Variants in ACACB observed in about 807,000 individuals in gnomAD.
The protein encoded by ACACB is acetyl-CoA carboxylase beta, also known as acetyl-CoA carboxylase 2.
A neutral mutation model predicts 278.8 loss-of-function variants in ACACB; 209 were observed. The observed-to-expected ratio is 0.75, with a 90% CI of 0.67 to 0.84. ACACB has a LOEUF of 0.84. ACACB is among the 40% of genes least tolerant of loss of function. The pLI is 0.00. For missense variants in ACACB, 2,850 were observed against 3,269.0 expected, an observed-to-expected ratio of 0.87 and a Z score of 3.13; for synonymous variants, 1,174 against 1,285.6, an observed-to-expected ratio of 0.91 and a Z score of 1.86.
At chr12:109,129,716 A>C (rs558214187) in intron 1 of ACACB, among the ~76,000 whole-genome samples, 1 of 152,160 alleles carries the variant, frequency 6.6e-6, no homozygotes, top group Non-Finnish European at 1.5e-5. Context: ...CTGCCCCCCA[A>C]AAGCAGTTCT....
intron 31 of ACACB, among the ~76,000 whole-genome samples, chr12:109,234,998 A>G (rs926322600): frequency 6.6e-6 from 1 of 152,022 alleles, no homozygotes; most frequent in African/African-American, 2.4e-5. Flanking sequence ...CCATCACCAG[A>G]ATCAATTTTA....
intron 40 of ACACB, among the ~76,000 whole-genome samples, chr12:109,248,182 A>G (rs1327166086): frequency 6.6e-6 from 1 of 152,176 alleles, no homozygotes; most frequent in Non-Finnish European, 1.5e-5. Flanking sequence ...GCTGGGGGGA[A>G]ATTCCATAGT....
chr12:109,196,497 G>T (rs2045133671), intron 16 of ACACB, among the ~76,000 whole-genome samples: 1 of 152,132 alleles, frequency 6.6e-6, no homozygotes, highest in African/African-American at 2.4e-5. Flanking sequence ...CTCTACAGGG[G>T]ATCTTTTATA....
At chr12:109,215,810 A>T (rs2045978760) in intron 22 of ACACB, among the ~76,000 whole-genome samples, 2 of 152,012 alleles carry the variant, frequency 1.3e-5, no homozygotes, top group Admixed American at 1.3e-4. Flanking sequence ...ATTAATTTTT[A>T]TTTATTTATT....
Position 109,258,258 on chromosome 12 carries a change from C to A in ACACB, c.6264-10C>A. On this transcript the variant is annotated splice_polypyrimidine_tract_variant and intron_variant, in intron 45 of 52. Coordinates refer to ENST00000338432, the MANE Select transcript of ACACB (RefSeq NM_001093.4). ...GCCCAGGGCCTGGCTCACTGGTGCT[C>A]ATTTTCCAGGCTTGGGGGGATTCCC... The A allele has an allele frequency of 6.2e-7, 1 of 1,609,502 alleles. No homozygotes were observed. Among genetic ancestry groups the A allele is most frequent in the South Asian group, 1.1e-5 (1 of 89,628 alleles).
chr12:109,186,996 G>A (rs1205444852), intron 12 of ACACB, among the ~76,000 whole-genome samples: 3 of 152,012 alleles, frequency 2.0e-5, no homozygotes, highest in Admixed American at 1.3e-4. Flanking sequence ...AGAGGGAGAC[G>A]GGCCGTTCTC....
chr12:109,155,585 C>CTT (rs776346297), intron 2 of ACACB, among the ~76,000 whole-genome samples: 2 of 145,616 alleles, frequency 1.4e-5, no homozygotes, highest in Non-Finnish European at 3.0e-5. Context: ...TATTCTTCAG[C>CTT]TTTTTTTTTT....
In ACACB at chr12:109,198,795, T is replaced by A. The variant is rs564270518; in HGVS notation, c.2628-607T>A. ...GCTACCACGCCCAGCTATTTTTTTT[T>A]TTTTATTTTTTGTAGAGGCAGGGTC... On this transcript the variant is annotated intron_variant, in intron 17 of 52. Transcript: ENST00000338432. 1.4e-4 allele frequency among the ~76,000 whole-genome samples: 21 copies of A among 152,226 alleles called. No individual in the cohort carries two copies. In the South Asian group the frequency reaches 2.5e-3, roughly 18 times the overall value.
In ACACB at chr12:109,209,887, A is replaced by G. The variant is rs921213702; in HGVS notation, c.3249+534A>G. 2.5e-3 allele frequency among the ~76,000 whole-genome samples: 336 copies of G among 131,802 alleles called. 40 individuals are homozygous for G. Among genetic ancestry groups the G allele is most frequent in the Non-Finnish European group, 4.5e-3 (272 of 60,762 alleles). 86.5% of individuals were successfully genotyped at this position (131,802 alleles called of 152,430 possible). On this transcript the variant is annotated intron_variant, in intron 21 of 52. Coordinates refer to ENST00000338432, the MANE Select transcript of ACACB (RefSeq NM_001093.4). The stretch of plus-strand genomic sequence containing the variant: ...TACACACATACACACACGTGTGTAT[A>G]TATGTATATACACACATACACACAC...
intron 3 of ACACB, among the ~76,000 whole-genome samples, chr12:109,167,634 T>C (rs968077452): frequency 3.1e-5 from 4 of 129,636 alleles, no homozygotes; most frequent in African/African-American, 9.2e-5. Context: ...TATATATATA[T>C]ATATATATAT....
At chr12:109,114,784 C>T (rs554322418), upstream of ACACB, among the ~76,000 whole-genome samples, 3 of 151,556 alleles carry the variant, frequency 2.0e-5, no homozygotes, top group Admixed American at 6.6e-5. Context: ...CCCAGGAGTT[C>T]GAGGCTGCAG....
Position 109,179,242 on chromosome 12 carries a change from T to C in ACACB, c.1592T>C (p.Val531Ala), listed in dbSNP as rs2044380127. ...CSIQRRHQKI[V>A]EEAPATIAPL... is the part of the protein sequence containing the mutation. Reference sequence around the variant, plus strand: ...ATCCAGCGGCGGCATCAGAAGATCGTTGAGGAAGCACCGGCCACCATCGCC... The same window carrying C: ...ATCCAGCGGCGGCATCAGAAGATCGCTGAGGAAGCACCGGCCACCATCGCC... The change falls in exon 10 of 53, where the codon GTT (valine) becomes GCT (alanine). Residue 531 changes from valine (V) to alanine (A), a missense_variant. By Grantham distance (64) the Val-to-Ala change is moderately conservative. Coordinates refer to ENST00000338432, the MANE Select transcript of ACACB (RefSeq NM_001093.4). The C allele has an allele frequency of 6.2e-7, 1 of 1,613,884 alleles. No individual in the cohort carries two copies. Among genetic ancestry groups the C allele is most frequent in the Admixed American group, 1.7e-5 (1 of 59,994 alleles).
intron 16 of ACACB, among the ~76,000 whole-genome samples, chr12:109,194,329 G>A (rs959764703): frequency 1.3e-5 from 2 of 152,122 alleles, no homozygotes; most frequent in South Asian, 2.1e-4. Context: ...CTGAGTAGCC[G>A]AGATTATAGG....
rs188429571 is a variant in ACACB, at chr12:109,249,077, C to A, written c.5670-907C>A. On this transcript the variant is annotated intron_variant, in intron 40 of 52. Coordinates refer to ENST00000338432, the MANE Select transcript of ACACB (RefSeq NM_001093.4). The stretch of plus-strand genomic sequence containing the variant: ...TCAATCAATTGAGAAGTTTATTTTG[C>A]CAAGGTTAGGGACACATCCAGAAGC... 1.2e-4 allele frequency: 18 copies of A among 152,238 alleles called. No individual in the cohort carries two copies. In the East Asian group the frequency reaches 3.5e-3, roughly 29 times the overall value. 9.4% of individuals were successfully genotyped at this position (152,238 alleles called of 1,614,324 possible). A position where few individuals can be genotyped will look rare whatever the true frequency, so the allele number is the denominator to read the frequency against.
chr12:109,227,426 A>C lies in ACACB; in HGVS notation c.3938A>C (p.Gln1313Pro). ...GAGTTAAACAGCCTGCAGCACCGGC[A>C]GCTCCCGGACGGCACCTGCGTGGTA... ...AYELNSLQHRQLPDGTCVVEF... is the reference protein window; with the variant it reads ...AYELNSLQHRPLPDGTCVVEF... Residue 1313 changes from glutamine (Q) to proline (P), a missense_variant, in exon 28 of 53, where the codon CAG becomes CCG. Coordinates refer to ENST00000338432, the MANE Select transcript of ACACB (RefSeq NM_001093.4). 6.2e-7 allele frequency: 1 copy of C among 1,613,846 alleles called. No homozygotes were observed. Among genetic ancestry groups the C allele is most frequent in the African/African-American group, 1.3e-5 (1 of 75,058 alleles).
intron 11 of ACACB, among the ~76,000 whole-genome samples, chr12:109,183,201 TAGTC>T (rs1259907884): frequency 6.6e-6 from 1 of 152,200 alleles, no homozygotes; most frequent in African/African-American, 2.4e-5. Flanking sequence ...ATATAACTCA[TAGTC>T]AGGTAATTCA....
intron 47 of ACACB, 195 bp from the exon 48 acceptor site, chr12:109,260,285 C>T (rs1405160664): frequency 8.9e-7 from 1 of 1,127,578 alleles, no homozygotes; most frequent in East Asian, 2.4e-5. Context: ...GCCACTGAGG[C>T]CCACACTGGG....
chr12:109,227,511 G>C (rs918745602), intron 28 of ACACB, 22 bp downstream of exon 28: 1 of 1,604,940 alleles, frequency 6.2e-7, no homozygotes, highest in African/African-American at 1.3e-5. Context: ...GACACACCCA[G>C]GGACGGCCTG....
rs571536329 is a variant in ACACB at position 109,161,436 on chromosome 12, G to A, written c.654-5425G>A. Among the ~76,000 whole-genome samples the A allele has an allele frequency of 6.6e-5, 10 of 152,138 alleles. 1 individual carries two copies. The South Asian group carries it at 1.2e-3, about 19-fold the overall frequency. On this transcript the variant is annotated intron_variant, in intron 2 of 52. Transcript: ENST00000338432. The stretch of plus-strand genomic sequence containing the variant: ...CGGGCACCTGTAACCCTAGTTGCTC[G>A]GGAGGCTGAGGGAGGAAAATTGCTT...
Sources: gnomAD v4.1 joint callset for allele counts (sites outside exome capture counted in the v4.1 genomes callset) on GRCh38, gnomAD v4.1.1 for gene constraint, MANE v1.5 for transcripts, NCBI Gene and HGNC (gene_info 2026-07-23, HGNC 2026-07-21) for gene names.